The following CCDC148 variants were observed in gnomAD, a reference collection of about 807,000 sequenced individuals.
CCDC148 encodes the protein coiled-coil domain containing 148.
Under a neutral mutation model 85.7 loss-of-function variants are expected in CCDC148, and 89 were observed. The ratio of observed to expected loss-of-function variants is 1.04; its 90% CI spans 0.87 to 1.24. The LOEUF is 1.24. Among genes scored for constraint, CCDC148 ranks in the 50% most tolerant of loss-of-function variants. The probability of loss-of-function intolerance (pLI) is 0.00; values close to 1 mark genes in which losing one functional copy is unlikely to be tolerated. For missense variants in CCDC148, 692 were observed against 671.7 expected (o/e 1.03, Z -0.33); for synonymous variants, 230 against 213.9 (o/e 1.08, Z -0.66).
intron 2 of CCDC148, 83 bp from the exon 3 acceptor site, chr2:158,345,401 T>A: frequency 6.7e-6 from 6 of 888,988 alleles, no homozygotes; most frequent in Non-Finnish European, 1.0e-5. Context: ...ATCTGAATTT[T>A]CTAAGTTAAA....
chr2:158,189,044 T>C (rs1685292769), intron 11 of CCDC148, among the ~76,000 whole-genome samples: 1 of 151,780 alleles, frequency 6.6e-6, no homozygotes, highest in South Asian at 2.1e-4. Context: ...TGAGATACCA[T>C]CTCACACAGG....
rs968580438 is a variant in CCDC148, at chr2:158,284,241, A to G, written c.1110+25192T>C. On this transcript the variant is annotated intron_variant, in intron 9 of 13. Transcript: ENST00000283233. ...GTATACATACGTAACTAACCTGCAC[A>G]TTGTGCACATGTACCCTAAAACTTA... Among the ~76,000 whole-genome samples, 33 of 152,058 alleles carry G rather than the reference A, an allele frequency of 2.2e-4. 1 individual carries two copies. The highest frequency in any genetic ancestry group is 6.3e-4 in the African/African-American group (26 of 41,394).
chr2:158,335,870 C>A (rs894357603), intron 7 of CCDC148, among the ~76,000 whole-genome samples: 3 of 152,076 alleles, frequency 2.0e-5, no homozygotes, highest in Admixed American at 6.6e-5. Flanking sequence ...TACATACTCC[C>A]AATCACTGCC....
At chr2:158,340,506 G>T (rs1378872712) in intron 4 of CCDC148, 92 bp downstream of exon 4, 3 of 1,404,248 alleles carry the variant, frequency 2.1e-6, no homozygotes, top group Admixed American at 2.2e-5. Flanking sequence ...AAAACAAATG[G>T]CAGTTAATAT....
intron 8 of CCDC148, among the ~76,000 whole-genome samples, chr2:158,312,578 C>CAAAAAAAAAAA (rs61545122): frequency 1.3e-5 from 1 of 76,110 alleles, no homozygotes; most frequent in Non-Finnish European, 2.3e-5. Context: ...GAATCCATCT[C>CAAAAAAAAAAA]AAAAAAAAAA....
intron 10 of CCDC148, among the ~76,000 whole-genome samples, chr2:158,233,714 A>G (rs1239964216): frequency 6.6e-6 from 1 of 151,928 alleles, no homozygotes; most frequent in Non-Finnish European, 1.5e-5. Flanking sequence ...GAGAATGGGG[A>G]CCTGGTACAT....
chr2:158,345,559 C>G (rs1253238823), intron 2 of CCDC148, among the ~76,000 whole-genome samples: 1 of 152,092 alleles, frequency 6.6e-6, no homozygotes, highest in Non-Finnish European at 1.5e-5. Context: ...CTTATTAAAA[C>G]AAAGGCAAAG....
intron 9 of CCDC148, among the ~76,000 whole-genome samples, chr2:158,287,868 T>C (rs1028093279): frequency 6.6e-6 from 1 of 152,244 alleles, no homozygotes; most frequent in African/African-American, 2.4e-5. Flanking sequence ...ATTTCTCTTC[T>C]GTACTGCCTT....
At chr2:158,179,138 T>C (rs1476989540) in intron 11 of CCDC148, 142 bp from the exon 12 acceptor site, 1 of 371,996 alleles carries the variant, frequency 2.7e-6, no homozygotes, top group Non-Finnish European at 5.0e-6. Flanking sequence ...CAAGTCCAAA[T>C]CAATAAAAGA....
At chr2:158,445,963 G>A (rs1308720053) in intron 1 of CCDC148, among the ~76,000 whole-genome samples, 1 of 152,034 alleles carries the variant, frequency 6.6e-6, no homozygotes, top group African/African-American at 2.4e-5. Flanking sequence ...CCCATACTTG[G>A]CTTTAATGAA....
chr2:158,203,286 G>A (rs987077125), intron 11 of CCDC148, among the ~76,000 whole-genome samples: 6 of 152,044 alleles, frequency 3.9e-5, no homozygotes, highest in African/African-American at 7.2e-5. Context: ...ATATGAATTC[G>A]TCTTATTTAA....
rs554995511 is a variant in CCDC148 at position 158,226,695 on chromosome 2, C to A, written c.1252-5982G>T. On this transcript the variant is annotated intron_variant, in intron 10 of 13. Transcript: ENST00000283233. ...TAATCCAGCATATAAACAGAACCAACGACAAAAACCACATGATTATCTCAA... is the reference window on the plus strand; with the variant it reads ...TAATCCAGCATATAAACAGAACCAAAGACAAAAACCACATGATTATCTCAA... Among the ~76,000 whole-genome samples the A allele has an allele frequency of 5.9e-5, 9 of 151,978 alleles. No homozygotes were observed. In the South Asian group the frequency reaches 6.2e-4, roughly 11 times the overall value.
chr2:158,456,421 AAGC>A lies in CCDC148; in HGVS notation c.16_18del (p.Ala6del). On this transcript the variant is annotated inframe_deletion, in exon 1 of 14. Coordinates refer to ENST00000283233, the MANE Select transcript of CCDC148 (RefSeq NM_138803.4). ...GGATGGGGTGCAAACTCACCTGGAGAAGCAGAAGCTGCACACATGTCAAAGGTC... is the reference window on the plus strand; with the variant it reads ...GGATGGGGTGCAAACTCACCTGGAGAAGAAGCTGCACACATGTCAAAGGTC... 1 of 1,611,800 alleles carries A rather than the reference AAGC, an allele frequency of 6.2e-7. No individual in the cohort carries two copies. Among genetic ancestry groups the A allele is most frequent in the Non-Finnish European group, 8.5e-7 (1 of 1,179,142 alleles).
chr2:158,180,401 T>C (rs1389770993), intron 11 of CCDC148, among the ~76,000 whole-genome samples: 2 of 152,140 alleles, frequency 1.3e-5, no homozygotes, highest in African/African-American at 2.4e-5. Context: ...GACGTACAAA[T>C]AAGAGCCACT....
At chr2:158,207,737 T>G (rs1686327210) in intron 11 of CCDC148, 1 of 152,190 alleles carries the variant, frequency 6.6e-6, no homozygotes, top group South Asian at 2.1e-4. Flanking sequence ...TGGAATTGTA[T>G]GCCAGGGATA....
intron 11 of CCDC148, among the ~76,000 whole-genome samples, chr2:158,211,209 C>T (rs528662673): frequency 1.3e-5 from 2 of 152,052 alleles, no homozygotes; most frequent in Middle Eastern, 3.4e-3. Context: ...AAGAAAACAA[C>T]CTAATGCTCC....
intron 9 of CCDC148, among the ~76,000 whole-genome samples, chr2:158,292,327 C>T (rs796195118): frequency 9.2e-5 from 14 of 152,202 alleles, no homozygotes; most frequent in Admixed American, 3.3e-4. Flanking sequence ...AAGCAGGCAC[C>T]GGGTTCAGAG....
intron 10 of CCDC148, among the ~76,000 whole-genome samples, chr2:158,238,815 G>A (rs1688222725): frequency 1.3e-5 from 2 of 152,128 alleles, no homozygotes; most frequent in Admixed American, 1.3e-4. Context: ...CCATTAAAGC[G>A]ACCCGAAAGT....
At chr2:158,414,614 T>G (rs1157134556) in intron 1 of CCDC148, among the ~76,000 whole-genome samples, 1 of 152,002 alleles carries the variant, frequency 6.6e-6, no homozygotes, top group Non-Finnish European at 1.5e-5. Flanking sequence ...AGGCACTATA[T>G]GAGGAGCTTT....
Sources: gnomAD v4.1 joint callset for allele counts (sites outside exome capture counted in the v4.1 genomes callset) on GRCh38, gnomAD v4.1.1 for gene constraint, MANE v1.5 for transcripts, NCBI Gene and HGNC (gene_info 2026-07-23, HGNC 2026-07-21) for gene names.